Variants in RREB1 observed in about 807,000 individuals in gnomAD.
RREB1 encodes ras responsive element binding protein 1.
In RREB1, 27 loss-of-function variants were observed where a neutral mutation model predicts 117.8. The observed-to-expected ratio is 0.23, with a 90% CI of 0.17 to 0.32. The LOEUF (loss-of-function observed/expected upper bound fraction) is 0.32. RREB1 is among the 10% of genes least tolerant of loss of function. RREB1 has a pLI of 1.00. For synonymous variants in RREB1, 1,298 were observed against 1,026.7 expected (o/e 1.26, Z -5.05); for missense variants, 2,577 against 2,378.2 (o/e 1.08, Z -1.74).
intron 1 of RREB1, among the ~76,000 whole-genome samples, chr6:7,117,265 C>CA (rs1470035832): frequency 1.3e-5 from 2 of 151,094 alleles, no homozygotes; most frequent in Non-Finnish European, 2.9e-5. Flanking sequence ...TCTGAATATA[C>CA]AAAATCAAAA....
intron 6 of RREB1, among the ~76,000 whole-genome samples, chr6:7,191,280 T>G (rs1283324547): frequency 6.6e-6 from 1 of 152,172 alleles, no homozygotes; most frequent in Non-Finnish European, 1.5e-5. Flanking sequence ...CCGTGTAAAG[T>G]GTGCACTTCA....
intron 6 of RREB1, among the ~76,000 whole-genome samples, chr6:7,208,723 G>A (rs550954874): frequency 6.6e-6 from 1 of 152,322 alleles, no homozygotes; most frequent in East Asian, 1.9e-4. Context: ...AACTGGAGGT[G>A]GGAATGTTCT....
rs1271083031 is a variant in RREB1 at position 7,246,905 on chromosome 6, T to C, written c.4455T>C (p.Thr1485=). The C allele has an allele frequency of 1.3e-6, 2 of 1,553,814 alleles. No homozygotes were observed. The highest frequency in any genetic ancestry group is 8.7e-7 in the Non-Finnish European group (1 of 1,149,430). The change falls in exon 12 of 13, where the codon ACT becomes ACC. Residue 1485 remains threonine (T), a synonymous_variant. Transcript: ENST00000379938. The part of the protein sequence containing the change: ...PKDEKGDGAS[T]AEEGPQPAPE... ...ACGAGAAGGGAGATGGCGCCAGCACTGCAGAGGAGGGGCCCCAGCCCGCCC... is the reference window on the plus strand; with the variant it reads ...ACGAGAAGGGAGATGGCGCCAGCACCGCAGAGGAGGGGCCCCAGCCCGCCC...
chr6:7,184,840 A>G (rs1212859070), intron 4 of RREB1: 1 of 150,458 alleles, frequency 6.6e-6, no homozygotes, highest in African/African-American at 2.5e-5. Flanking sequence ...ACATGTATTT[A>G]CATCCTATTG....
chr6:7,204,977 T>C (rs1213921775), intron 6 of RREB1, among the ~76,000 whole-genome samples: 1 of 152,228 alleles, frequency 6.6e-6, no homozygotes, highest in Non-Finnish European at 1.5e-5. Flanking sequence ...TTTCCCAACT[T>C]TTTGGTTAAG....
At chr6:7,164,274 A>G (rs1036812883) in intron 1 of RREB1, among the ~76,000 whole-genome samples, 13 of 151,898 alleles carry the variant, frequency 8.6e-5, no homozygotes, top group African/African-American at 2.7e-4. Context: ...CCTACCTACT[A>G]TCATCAATCC....
chr6:7,236,946 G>C (rs1369460357), intron 10 of RREB1, among the ~76,000 whole-genome samples: 1 of 129,710 alleles, frequency 7.7e-6, no homozygotes, highest in Non-Finnish European at 1.6e-5. Flanking sequence ...CCAAGCTAGA[G>C]TGCCTGTGTG....
At chr6:7,204,146 T>G (rs1279714464) in intron 6 of RREB1, among the ~76,000 whole-genome samples, 1 of 152,190 alleles carries the variant, frequency 6.6e-6, no homozygotes, top group African/African-American at 2.4e-5. Flanking sequence ...GCTTACGCAT[T>G]GTCTAACCTT....
chr6:7,231,329 C>T lies in RREB1; in HGVS notation c.3230C>T (p.Ser1077Leu), dbSNP rs558604759. The T allele has an allele frequency of 6.2e-6, 10 of 1,610,332 alleles. No individual in the cohort carries two copies. The highest frequency in any genetic ancestry group is 4.4e-5 in the South Asian group (4 of 90,772). The change falls in exon 10 of 13, where the codon TCG becomes TTG. Residue 1077 changes from serine (S) to leucine (L), a missense_variant. Ser to Leu is a moderately radical substitution (Grantham distance 145). Transcript: ENST00000379938. Reference protein sequence around the residue: ...SIAQIISSVSSAPTLLKTKVA... With the variant: ...SIAQIISSVSLAPTLLKTKVA... Reference sequence around the variant, plus strand: ...GCCCAGATCATCTCATCTGTATCCTCGGCCCCCACCCTGCTGAAAACCAAG... The same window carrying T: ...GCCCAGATCATCTCATCTGTATCCTTGGCCCCCACCCTGCTGAAAACCAAG...
chr6:7,133,332 T>C (rs1006337629), intron 1 of RREB1, among the ~76,000 whole-genome samples: 1 of 152,214 alleles, frequency 6.6e-6, no homozygotes, highest in Non-Finnish European at 1.5e-5. Flanking sequence ...GCCACAATTA[T>C]TCCTACTATG....
chr6:7,203,296 G>A (rs905728884), intron 6 of RREB1, among the ~76,000 whole-genome samples: 2 of 152,208 alleles, frequency 1.3e-5, no homozygotes, highest in African/African-American at 4.8e-5. Context: ...GTTTGAGGCT[G>A]CACTGAGCTA....
chr6:7,135,803 A>G (rs992729411), intron 1 of RREB1, among the ~76,000 whole-genome samples: 1 of 152,220 alleles, frequency 6.6e-6, no homozygotes, highest in Non-Finnish European at 1.5e-5. Flanking sequence ...TAGGGGACTT[A>G]GCAAAACAGG....
At chr6:7,179,896 C>T (rs1044492646) in intron 2 of RREB1, among the ~76,000 whole-genome samples, 4 of 152,128 alleles carry the variant, frequency 2.6e-5, no homozygotes, top group African/African-American at 9.6e-5. Context: ...AGTTGACCCT[C>T]CCACCTTGGC....
In RREB1 at chr6:7,246,704, G is replaced by T; in HGVS notation, c.4254G>T (p.Leu1418=). The change falls in exon 12 of 13, where the codon CTG becomes CTT. Residue 1418 remains leucine (L), a synonymous_variant. Transcript: ENST00000379938. The part of the protein sequence containing the change: ...EDASSNQSLD[L]DFATKLMDFK... ...CGTCGAGCAACCAGAGCCTGGACCTGGACTTCGCCACCAAGCTCATGGACT... is the reference window on the plus strand; with the variant it reads ...CGTCGAGCAACCAGAGCCTGGACCTTGACTTCGCCACCAAGCTCATGGACT... The T allele has an allele frequency of 6.3e-7, 1 of 1,585,038 alleles. No individual in the cohort carries two copies.
chr6:7,112,857 G>A (rs970352724), intron 1 of RREB1, among the ~76,000 whole-genome samples: 3 of 152,218 alleles, frequency 2.0e-5, no homozygotes. Flanking sequence ...TGTTCAGCGT[G>A]GTCTGAACTG....
At chr6:7,203,868 A>T (rs1330322230) in intron 6 of RREB1, among the ~76,000 whole-genome samples, 1 of 152,230 alleles carries the variant, frequency 6.6e-6, no homozygotes, top group African/African-American at 2.4e-5. Context: ...GAATGGAGGC[A>T]GTAGGAATAA....
At chr6:7,114,779 T>C (rs956125529) in intron 1 of RREB1, among the ~76,000 whole-genome samples, 2 of 152,144 alleles carry the variant, frequency 1.3e-5, no homozygotes, top group Non-Finnish European at 2.9e-5. Context: ...TTGAGGAAAA[T>C]GTTAAGTGGC....
intron 1 of RREB1, among the ~76,000 whole-genome samples, chr6:7,173,045 A>C (rs534133216): frequency 2.6e-5 from 4 of 152,136 alleles, no homozygotes; most frequent in Non-Finnish European, 5.9e-5. Context: ...GTTGGCCTGA[A>C]CTGGTCAACT....
At chr6:7,207,574 T>C (rs898725234) in intron 6 of RREB1, among the ~76,000 whole-genome samples, 1 of 152,210 alleles carries the variant, frequency 6.6e-6, no homozygotes, top group Non-Finnish European at 1.5e-5. Flanking sequence ...GCTCCCTTTA[T>C]GTACCTTCTG....
Sources: gnomAD v4.1 joint callset for allele counts (sites outside exome capture counted in the v4.1 genomes callset) on GRCh38, gnomAD v4.1.1 for gene constraint, MANE v1.5 for transcripts, NCBI Gene and HGNC (gene_info 2026-07-23, HGNC 2026-07-21) for gene names.